RNF180: variants seen among roughly 807,000 people sequenced by gnomAD.
RNF180 encodes the protein E3 ubiquitin-protein ligase RNF180.
In RNF180, 38 loss-of-function variants were observed where a neutral mutation model predicts 59.2. That is an observed-to-expected ratio of 0.64 (90% CI 0.50 to 0.84). RNF180 has a LOEUF of 0.84. Among genes scored for constraint, RNF180 ranks in the 40% least tolerant of loss-of-function variants. RNF180 has a pLI of 0.00. For synonymous variants in RNF180, 262 were observed against 240.3 expected (o/e 1.09, Z -0.84); for missense variants, 705 against 700.9 (o/e 1.01, Z -0.07).
chr5:64,176,923 A>G (rs543828606), intron 1 of RNF180, among the ~76,000 whole-genome samples: 1 of 152,220 alleles, frequency 6.6e-6, no homozygotes, highest in Admixed American at 6.5e-5. Flanking sequence ...GCAGCAAGGA[A>G]TGAAGAGAAT....
rs189882184 is a variant in RNF180, at chr5:64,245,909, C to T, written c.1227+28513C>T. Among the ~76,000 whole-genome samples, 6 of 152,274 alleles carry T rather than the reference C, an allele frequency of 3.9e-5. No individual in the cohort carries two copies. The East Asian group carries it at 7.7e-4, about 20-fold the overall frequency. On this transcript the variant is annotated intron_variant, in intron 5 of 7. Transcript: ENST00000389100. ...AAATGCAAAATAATGGAAATCATAA[C>T]GAACAGTCTCTCAGATGACAGTGCA...
intron 7 of RNF180, among the ~76,000 whole-genome samples, chr5:64,343,160 A>G (rs926626940): frequency 6.6e-6 from 1 of 152,162 alleles, no homozygotes; most frequent in African/African-American, 2.4e-5. Flanking sequence ...ATAGAAACAC[A>G]TCTCCTCTTT....
chr5:64,307,739 A>C (rs1743549777), intron 5 of RNF180, among the ~76,000 whole-genome samples: 1 of 151,790 alleles, frequency 6.6e-6, no homozygotes, highest in South Asian at 2.1e-4. Flanking sequence ...CTATTTTATA[A>C]TAAAGTGTTG....
At position 64,341,481 on chromosome 5, in the gene RNF180, G is replaced by A. The variant is rs141370724; in HGVS notation, c.1579+11075G>A. ...GAAAAGATTTCAGAAATGTTCAAGTGTTCTAAAGTTTGATCACTGTGTGAC... is the reference window on the plus strand; with the variant it reads ...GAAAAGATTTCAGAAATGTTCAAGTATTCTAAAGTTTGATCACTGTGTGAC... On this transcript the variant is annotated intron_variant, in intron 7 of 7. Coordinates refer to ENST00000389100, the MANE Select transcript of RNF180 (RefSeq NM_001113561.2). Among the ~76,000 whole-genome samples the A allele has an allele frequency of 3.6e-3, 547 of 152,282 alleles. 3 individuals carry two copies. Among genetic ancestry groups the A allele is most frequent in the African/African-American group, 0.013 (531 of 41,562 alleles).
chr5:64,270,809 T>C (rs965795618), intron 5 of RNF180, among the ~76,000 whole-genome samples: 1 of 152,146 alleles, frequency 6.6e-6, no homozygotes, highest in Admixed American at 6.6e-5. Flanking sequence ...AATTTCAAAA[T>C]CAGTTGCTCA....
chr5:64,301,837 A>G (rs1173287172), intron 5 of RNF180, among the ~76,000 whole-genome samples: 2 of 151,630 alleles, frequency 1.3e-5, no homozygotes, highest in Non-Finnish European at 3.0e-5. Flanking sequence ...ACTTCTATGT[A>G]CATTCCATTG....
At chr5:64,185,479 C>G (rs988864037) in intron 1 of RNF180, among the ~76,000 whole-genome samples, 1 of 152,130 alleles carries the variant, frequency 6.6e-6, no homozygotes, top group South Asian at 2.1e-4. Context: ...CATTTTGATT[C>G]AACCAGAAGC....
intron 5 of RNF180, among the ~76,000 whole-genome samples, chr5:64,291,750 T>C (rs1742602053): frequency 6.6e-6 from 1 of 152,108 alleles, no homozygotes; most frequent in South Asian, 2.1e-4. Flanking sequence ...TCTAATATGG[T>C]TCCATTCTCC....
chr5:64,341,717 G>A (rs1745362705), intron 7 of RNF180, among the ~76,000 whole-genome samples: 1 of 152,196 alleles, frequency 6.6e-6, no homozygotes, highest in Non-Finnish European at 1.5e-5. Flanking sequence ...GGTGATGGTG[G>A]ATACTCACTC....
chr5:64,320,241 T>C (rs1051412947), intron 5 of RNF180, among the ~76,000 whole-genome samples: 1 of 152,192 alleles, frequency 6.6e-6, no homozygotes, highest in African/African-American at 2.4e-5. Flanking sequence ...CCACTTCCCA[T>C]GTAAAGAAAA....
intron 5 of RNF180, among the ~76,000 whole-genome samples, chr5:64,223,288 T>C (rs965620333): frequency 1.3e-5 from 2 of 152,200 alleles, no homozygotes; most frequent in Non-Finnish European, 2.9e-5. Flanking sequence ...TGTGATTACA[T>C]TGGGTCTACC....
At chr5:64,318,945 A>C (rs940830652) in intron 5 of RNF180, among the ~76,000 whole-genome samples, 1 of 152,150 alleles carries the variant, frequency 6.6e-6, no homozygotes, top group Non-Finnish European at 1.5e-5. Context: ...GCATTTGACA[A>C]AACTCATAGA....
chr5:64,255,203 C>T (rs1466634465), intron 5 of RNF180, among the ~76,000 whole-genome samples: 1 of 151,946 alleles, frequency 6.6e-6, no homozygotes. Flanking sequence ...TGAACACTTT[C>T]TTTTTTTATT....
In RNF180 at chr5:64,227,599, A is replaced by C. The variant is rs188405456; in HGVS notation, c.1227+10203A>C. Among the ~76,000 whole-genome samples the C allele has an allele frequency of 1.5e-3, 226 of 152,336 alleles. 1 individual carries two copies. The highest frequency in any genetic ancestry group is 5.2e-3 in the African/African-American group (217 of 41,582). On this transcript the variant is annotated intron_variant, in intron 5 of 7. Transcript: ENST00000389100. Reference sequence around the variant, plus strand: ...TGATCCTTGACACAGTGCTAACACCAAAGACCAAACCCGAATCTTGGTTCA... The same window carrying C: ...TGATCCTTGACACAGTGCTAACACCCAAGACCAAACCCGAATCTTGGTTCA...
chr5:64,223,409 G>A (rs771014122), intron 5 of RNF180, among the ~76,000 whole-genome samples: 19 of 152,166 alleles, frequency 1.2e-4, no homozygotes, highest in Non-Finnish European at 2.5e-4. Context: ...ATTAGGACCT[G>A]GACATCTTTG....
chr5:64,287,026 G>C (rs1466047839), intron 5 of RNF180, among the ~76,000 whole-genome samples: 1 of 152,118 alleles, frequency 6.6e-6, no homozygotes, highest in Non-Finnish European at 1.5e-5. Flanking sequence ...GAGTGCAGTG[G>C]TGTGATCTCA....
At chr5:64,262,904 C>A (rs1744428628) in intron 5 of RNF180, among the ~76,000 whole-genome samples, 1 of 152,260 alleles carries the variant, frequency 6.6e-6, no homozygotes, top group African/African-American at 2.4e-5. Flanking sequence ...TAACCAAAAA[C>A]TCCCACTGCA....
chr5:64,266,722 C>G (rs1744701259), intron 5 of RNF180, among the ~76,000 whole-genome samples: 1 of 152,026 alleles, frequency 6.6e-6, no homozygotes, highest in Admixed American at 6.6e-5. Context: ...GGGTAAAAAA[C>G]TATTAATTCA....
chr5:64,362,734 C>T (rs1746306505), intron 7 of RNF180, among the ~76,000 whole-genome samples: 1 of 151,856 alleles, frequency 6.6e-6, no homozygotes, highest in Admixed American at 6.6e-5. Flanking sequence ...TTTTTCTCTG[C>T]AATCTCACCA....
Sources: gnomAD v4.1 joint callset for allele counts (sites outside exome capture counted in the v4.1 genomes callset) on GRCh38, gnomAD v4.1.1 for gene constraint, MANE v1.5 for transcripts, NCBI Gene and HGNC (gene_info 2026-07-23, HGNC 2026-07-21) for gene names.